SORCS3: variants seen among roughly 807,000 people sequenced by gnomAD.
The protein encoded by SORCS3 is VPS10 domain-containing receptor SorCS3.
SORCS3 carries 57 observed loss-of-function variants against 146.3 expected under a neutral mutation model. That is an observed-to-expected ratio of 0.39 (90% confidence interval 0.31 to 0.49). The LOEUF is 0.49. Among genes scored for constraint, SORCS3 ranks in the 20% least tolerant of loss-of-function variants. SORCS3 has a pLI of 0.92. For synonymous variants in SORCS3, 653 were observed against 618.5 expected (o/e 1.06, Z -0.83); for missense variants, 1,341 against 1,575.5 (o/e 0.85, Z 2.52).
chr10:105,240,948 ATATAT>A (rs201484283), intron 20 of SORCS3, among the ~76,000 whole-genome samples: 10,079 of 107,326 alleles, frequency 0.094, 408 homozygotes, highest in Middle Eastern at 0.24. Flanking sequence ...ACTGAAAAAA[ATATAT>A]ATATATATAT....
chr10:104,956,802 AG>A (rs1338915286), intron 3 of SORCS3, among the ~76,000 whole-genome samples: 1 of 152,180 alleles, frequency 6.6e-6, no homozygotes, highest in African/African-American at 2.4e-5. Flanking sequence ...TGAAAAAGCA[AG>A]GTCTGTTTGA....
At chr10:105,154,312 C>A (rs941752401) in intron 9 of SORCS3, among the ~76,000 whole-genome samples, 1 of 152,158 alleles carries the variant, frequency 6.6e-6, no homozygotes, top group Non-Finnish European at 1.5e-5. Context: ...TAGGGACAGC[C>A]CAAGGCAGAT....
chr10:105,057,666 C>T (rs78058840), intron 5 of SORCS3, among the ~76,000 whole-genome samples: 4 of 152,244 alleles, frequency 2.6e-5, no homozygotes, highest in Middle Eastern at 3.4e-3. Flanking sequence ...TACTTGGTGG[C>T]GAATGGCACT....
At chr10:104,667,570 T>G (rs2015797048) in intron 1 of SORCS3, among the ~76,000 whole-genome samples, 1 of 152,174 alleles carries the variant, frequency 6.6e-6, no homozygotes, top group Non-Finnish European at 1.5e-5. Context: ...AGAAAAAAAA[T>G]GACTACATTT....
intron 13 of SORCS3, among the ~76,000 whole-genome samples, chr10:105,174,446 A>T (rs1300555917): frequency 4.6e-5 from 7 of 152,106 alleles, no homozygotes; most frequent in Admixed American, 2.6e-4. Context: ...AAATAATAAT[A>T]ATAATAATAA....
chr10:104,944,436 A>G (rs918350990), intron 3 of SORCS3, among the ~76,000 whole-genome samples: 13 of 152,204 alleles, frequency 8.5e-5, no homozygotes, highest in African/African-American at 3.1e-4. Flanking sequence ...GCATTTAATA[A>G]GAGAAGATGG....
At chr10:105,058,484 G>A (rs779803099) in intron 5 of SORCS3, among the ~76,000 whole-genome samples, 1 of 152,198 alleles carries the variant, frequency 6.6e-6, no homozygotes, top group Non-Finnish European at 1.5e-5. Context: ...GGGAAATTTA[G>A]AACATGAGTT....
At chr10:104,781,353 G>C (rs1271144054) in intron 1 of SORCS3, among the ~76,000 whole-genome samples, 1 of 152,224 alleles carries the variant, frequency 6.6e-6, no homozygotes, top group Non-Finnish European at 1.5e-5. Context: ...ATCACAGAAT[G>C]TTATGTATTT....
chr10:104,702,475 A>G (rs1048901205), intron 1 of SORCS3, among the ~76,000 whole-genome samples: 1 of 152,042 alleles, frequency 6.6e-6, no homozygotes, highest in African/African-American at 2.4e-5. Flanking sequence ...TTCAGTAGAG[A>G]TGGGGTTTCA....
intron 2 of SORCS3, among the ~76,000 whole-genome samples, chr10:104,857,396 A>T (rs2018346465): frequency 6.6e-6 from 1 of 152,142 alleles, no homozygotes; most frequent in Non-Finnish European, 1.5e-5. Context: ...GTGATTTAGT[A>T]TGGGGAGAAA....
chr10:105,252,748 C>G, intron 22 of SORCS3, 27 bp from the exon 23 acceptor site: 1 of 1,613,460 alleles, frequency 6.2e-7, no homozygotes, highest in Non-Finnish European at 8.5e-7. Flanking sequence ...TCCTCCACAG[C>G]CTCTCTTTGT....
chr10:104,741,514 T>C (rs936086465), intron 1 of SORCS3, among the ~76,000 whole-genome samples: 3 of 151,992 alleles, frequency 2.0e-5, no homozygotes, highest in Admixed American at 6.6e-5. Flanking sequence ...TATTAGTTAT[T>C]GTTTCTTCAC....
intron 9 of SORCS3, among the ~76,000 whole-genome samples, chr10:105,148,995 T>C (rs2056150772): frequency 6.6e-6 from 1 of 152,112 alleles, no homozygotes; most frequent in South Asian, 2.1e-4. Context: ...CAAGAGCTGA[T>C]GGTTTTAAAG....
At chr10:105,212,185 A>G (rs542832461) in intron 17 of SORCS3, among the ~76,000 whole-genome samples, 1 of 152,318 alleles carries the variant, frequency 6.6e-6, no homozygotes, top group South Asian at 2.1e-4. Flanking sequence ...AGGAAAAAAT[A>G]TGATGAAAAA....
intron 4 of SORCS3, among the ~76,000 whole-genome samples, chr10:105,030,096 A>T (rs767878971): frequency 1.3e-5 from 2 of 152,218 alleles, no homozygotes; most frequent in Non-Finnish European, 2.9e-5. Flanking sequence ...CAGCCCAGTT[A>T]GTTCATTGCT....
chr10:104,860,239 A>G (rs1043942516), intron 2 of SORCS3, among the ~76,000 whole-genome samples: 1 of 112,530 alleles, frequency 8.9e-6, no homozygotes, highest in African/African-American at 2.9e-5. Flanking sequence ...CTATGCAGCC[A>G]TAAAAAATGA....
intron 4 of SORCS3, among the ~76,000 whole-genome samples, chr10:105,006,070 T>G (rs1351007688): frequency 6.6e-6 from 1 of 152,148 alleles, no homozygotes; most frequent in Non-Finnish European, 1.5e-5. Context: ...GCCTCCCAAA[T>G]AGCTGGGATT....
At chr10:104,781,677 C>T (rs1470147541) in intron 1 of SORCS3, among the ~76,000 whole-genome samples, 2 of 152,216 alleles carry the variant, frequency 1.3e-5, no homozygotes, top group East Asian at 3.8e-4. Flanking sequence ...AGTATATTTA[C>T]TGTATCATTG....
intron 1 of SORCS3, among the ~76,000 whole-genome samples, chr10:104,809,495 A>G (rs11192193): frequency 0.52 from 79,241 of 152,080 alleles, 22,209 homozygotes; most frequent in East Asian, 0.66. Context: ...CAGAACTGTA[A>G]CACCATTGTT....
Sources: gnomAD v4.1 joint callset for allele counts (sites outside exome capture counted in the v4.1 genomes callset) on GRCh38, gnomAD v4.1.1 for gene constraint, MANE v1.5 for transcripts, NCBI Gene and HGNC (gene_info 2026-07-23, HGNC 2026-07-21) for gene names.